ADAMTS2: variants seen among roughly 807,000 people sequenced by gnomAD.
The protein encoded by ADAMTS2 is ADAM metallopeptidase with thrombospondin type 1 motif 2.
ADAMTS2 carries 50 observed loss-of-function variants against 123.0 expected under a neutral mutation model. The ratio of observed to expected loss-of-function variants is 0.41; its 90% CI spans 0.32 to 0.51. The LOEUF (loss-of-function observed/expected upper bound fraction) is 0.51, where lower values mean the gene tolerates loss of function less well. ADAMTS2 is among the 20% of genes least tolerant of loss of function. The pLI is 0.35. For synonymous variants in ADAMTS2, 678 were observed against 695.4 expected, an observed-to-expected ratio of 0.98 and a Z score of 0.39; for missense variants, 1,494 against 1,705.2, an observed-to-expected ratio of 0.88 and a Z score of 2.18.
chr5:179,299,272 G>A (rs1313602070), intron 2 of ADAMTS2, among the ~76,000 whole-genome samples: 1 of 146,964 alleles, frequency 6.8e-6, no homozygotes, highest in Non-Finnish European at 1.5e-5. Context: ...GCTCACGCCT[G>A]TAATCCCAGC....
intron 3 of ADAMTS2, among the ~76,000 whole-genome samples, chr5:179,271,851 G>A (rs1042524427): frequency 2.0e-5 from 3 of 152,220 alleles, no homozygotes; most frequent in Non-Finnish European, 2.9e-5. Flanking sequence ...CAGACCTACA[G>A]TAAATGAGGC....
intron 2 of ADAMTS2, among the ~76,000 whole-genome samples, chr5:179,315,119 CT>C (rs912496357): frequency 1.2e-4 from 18 of 150,398 alleles, no homozygotes; most frequent in African/African-American, 4.1e-4. Context: ...CTCACTCTCT[CT>C]CTTCTGTTCC....
chr5:179,256,334 T>C lies in ADAMTS2; in HGVS notation c.688+16577A>G, dbSNP rs1222099542. The stretch of plus-strand genomic sequence containing the variant: ...AAGGAAAATAGTGTCAGGCCTGCCA[T>C]GGAGCTTTGGGCCTGAGGCCTCAGC... On this transcript the variant is annotated intron_variant, in intron 3 of 21. Transcript: ENST00000251582. This position sits in a 1 kb window ranked among gnomAD's most constrained non-coding sequence, Gnocchi z 4.1. Among the ~76,000 whole-genome samples the C allele has an allele frequency of 2.0e-5, 3 of 152,110 alleles. No homozygotes were observed. Among genetic ancestry groups the C allele is most frequent in the African/African-American group, 7.2e-5 (3 of 41,418 alleles).
intron 5 of ADAMTS2, among the ~76,000 whole-genome samples, chr5:179,179,323 C>T (rs981660513): frequency 1.3e-5 from 2 of 151,780 alleles, no homozygotes; most frequent in Admixed American, 6.6e-5. Context: ...GCTGCCCCCA[C>T]CCCTACTTTT....
chr5:179,208,266 C>T (rs1333618988), intron 3 of ADAMTS2, among the ~76,000 whole-genome samples: 1 of 152,168 alleles, frequency 6.6e-6, no homozygotes, highest in East Asian at 1.9e-4. Context: ...CTGGGGAAAC[C>T]GAGGCCCATC....
chr5:179,126,863 G>A (rs1762869511), intron 17 of ADAMTS2, among the ~76,000 whole-genome samples: 1 of 151,896 alleles, frequency 6.6e-6, no homozygotes, highest in African/African-American at 2.4e-5. Context: ...GGGCTCAGGC[G>A]AGGAGAAGCC....
rs906071454 is a variant in ADAMTS2 at position 179,185,123 on chromosome 5, G to A, written c.892-3968C>T. Among the ~76,000 whole-genome samples the A allele has an allele frequency of 2.0e-5, 3 of 152,188 alleles. No homozygotes were observed. Among genetic ancestry groups the A allele is most frequent in the Admixed American group, 2.0e-4 (3 of 15,276 alleles). On this transcript the variant is annotated intron_variant, in intron 4 of 21. Transcript: ENST00000251582. This position sits in a 1 kb window ranked among gnomAD's most constrained non-coding sequence, Gnocchi z 5.9. ...AGGGATGCCCCAGCAGAGGAGGTGG[G>A]AGGGGAGCACTGAGGCCAGACCACG...
At chr5:179,178,209 C>T (rs1451893695) in intron 5 of ADAMTS2, among the ~76,000 whole-genome samples, 1 of 152,194 alleles carries the variant, frequency 6.6e-6, no homozygotes, top group Non-Finnish European at 1.5e-5. Context: ...AAGGCCGGAA[C>T]AGGGAACTCC....
intron 2 of ADAMTS2, among the ~76,000 whole-genome samples, chr5:179,342,729 CCA>C (rs1218848417): frequency 1.3e-5 from 2 of 152,246 alleles, no homozygotes; most frequent in Non-Finnish European, 2.9e-5. Context: ...AGCCTGACCA[CCA>C]CACACCCAAT....
intron 2 of ADAMTS2, among the ~76,000 whole-genome samples, chr5:179,310,727 G>T (rs1310070404): frequency 1.3e-5 from 2 of 152,156 alleles, no homozygotes; most frequent in African/African-American, 4.8e-5. Context: ...TGACATTGAA[G>T]TCTGGGACAC....
At chr5:179,304,499 G>A (rs1327494994) in intron 2 of ADAMTS2, among the ~76,000 whole-genome samples, 1 of 152,154 alleles carries the variant, frequency 6.6e-6, no homozygotes, top group Non-Finnish European at 1.5e-5. Flanking sequence ...AGAAACGGAA[G>A]ACATATTTTT....
intron 3 of ADAMTS2, among the ~76,000 whole-genome samples, chr5:179,240,380 C>T (rs1273918707): frequency 6.6e-6 from 1 of 152,058 alleles, no homozygotes; most frequent in Admixed American, 6.5e-5. Context: ...AATGAGGGAA[C>T]CTGCAGTTTA....
chr5:179,124,160 C>T (rs998332705), intron 19 of ADAMTS2, among the ~76,000 whole-genome samples: 9 of 152,162 alleles, frequency 5.9e-5, no homozygotes, highest in African/African-American at 2.2e-4. Context: ...CTGCAAGTCC[C>T]GCTTCTGAGT....
chr5:179,187,454 T>C (rs1764197482), intron 4 of ADAMTS2, among the ~76,000 whole-genome samples: 1 of 152,256 alleles, frequency 6.6e-6, no homozygotes, highest in African/African-American at 2.4e-5. Context: ...TAGCCCATAG[T>C]AGGTGCTCAG....
chr5:179,233,887 T>C (rs1765468234), intron 3 of ADAMTS2, among the ~76,000 whole-genome samples: 1 of 152,066 alleles, frequency 6.6e-6, no homozygotes, highest in Non-Finnish European at 1.5e-5. Flanking sequence ...TTTCCTGGAA[T>C]TCCTGGAACC....
At chr5:179,167,005 CG>C (rs1340802692) in intron 5 of ADAMTS2, among the ~76,000 whole-genome samples, 1 of 152,192 alleles carries the variant, frequency 6.6e-6, no homozygotes, top group African/African-American at 2.4e-5. Flanking sequence ...GCGCCGGCTG[CG>C]GGGACGTTCT....
chr5:179,129,129 G>C lies in ADAMTS2; in HGVS notation c.2457+803C>G, dbSNP rs997772563. On this transcript the variant is annotated intron_variant, in intron 16 of 21. Coordinates refer to ENST00000251582, the MANE Select transcript of ADAMTS2 (RefSeq NM_014244.5). The surrounding 1 kb of genome is among the most constrained non-coding windows in gnomAD (Gnocchi z 4.1). ...GTGAATTTGCAAATACAGAAACCGT[G>C]AGTGCCGAGGACCAGCTGCTCACAC... 3.3e-5 allele frequency among the ~76,000 whole-genome samples: 5 copies of C among 152,268 alleles called. No individual in the cohort carries two copies. The East Asian group carries it at 7.7e-4, about 24-fold the overall frequency.
At chr5:179,302,379 CAAAAAA>C (rs1166990772) in intron 2 of ADAMTS2, among the ~76,000 whole-genome samples, 1 of 38,184 alleles carries the variant, frequency 2.6e-5, no homozygotes, top group African/African-American at 1.1e-4. Flanking sequence ...AAGACCGTCT[CAAAAAA>C]AAAAAAAAAA....
intron 10 of ADAMTS2, among the ~76,000 whole-genome samples, chr5:179,140,988 T>TA: frequency 6.7e-6 from 1 of 149,484 alleles, no homozygotes; most frequent in Middle Eastern, 3.2e-3. Context: ...TTTTTTTTTT[T>TA]ATTTTTAGTA....
Sources: gnomAD v4.1 joint callset for allele counts (sites outside exome capture counted in the v4.1 genomes callset) on GRCh38, gnomAD v4.1.1 for gene constraint, Gnocchi (gnomAD v3.1) non-coding constraint, MANE v1.5 for transcripts, NCBI Gene and HGNC (gene_info 2026-07-23, HGNC 2026-07-21) for gene names.